Variants in STXBP5L observed in about 807,000 individuals in gnomAD.
The protein encoded by STXBP5L is syntaxin binding protein 5L, also known as syntaxin-binding protein 5-like.
In STXBP5L, 65 loss-of-function variants were observed where a neutral mutation model predicts 144.5. The observed-to-expected ratio is 0.45, with a 90% CI of 0.37 to 0.55. The LOEUF (loss-of-function observed/expected upper bound fraction) is 0.55. Among genes scored for constraint, STXBP5L ranks in the 20% least tolerant of loss-of-function variants. The pLI is 0.00. For missense variants in STXBP5L, 1,298 were observed against 1,405.5 expected, an observed-to-expected ratio of 0.92 and a Z score of 1.22; for synonymous variants, 505 against 469.6, an observed-to-expected ratio of 1.08 and a Z score of -0.97.
At chr3:121,152,598 T>C in intron 8 of STXBP5L, 38 bp downstream of exon 8, 1 of 1,447,092 alleles carries the variant, frequency 6.9e-7, no homozygotes, top group Non-Finnish European at 9.6e-7. Flanking sequence ...AAGAGTATTG[T>C]GACGTTATGC....
chr3:121,038,459 A>G (rs558957195), intron 3 of STXBP5L, among the ~76,000 whole-genome samples: 1 of 152,058 alleles, frequency 6.6e-6, no homozygotes, highest in South Asian at 2.1e-4. Flanking sequence ...GTCAGAAACT[A>G]TACTCTTTAT....
chr3:121,199,031 G>T (rs749592372), intron 9 of STXBP5L, among the ~76,000 whole-genome samples: 2 of 152,134 alleles, frequency 1.3e-5, no homozygotes, highest in African/African-American at 4.8e-5. Context: ...GAAAGTCAAA[G>T]GTAGCTTGTT....
chr3:121,356,976 A>T (rs2045538320), intron 20 of STXBP5L: 2 of 166,674 alleles, frequency 1.2e-5, no homozygotes, highest in Non-Finnish European at 2.6e-5. Context: ...TCTACCTTTG[A>T]AAACAGCAAG....
chr3:121,077,927 C>T (rs1322420112), intron 5 of STXBP5L, among the ~76,000 whole-genome samples: 1 of 149,138 alleles, frequency 6.7e-6, no homozygotes, highest in South Asian at 2.1e-4. Flanking sequence ...TATGTACAAT[C>T]CCTTAGCTAG....
chr3:120,945,910 A>G (rs1710831005), intron 2 of STXBP5L, among the ~76,000 whole-genome samples: 1 of 151,862 alleles, frequency 6.6e-6, no homozygotes, highest in Admixed American at 6.6e-5. Flanking sequence ...TGAACCCTTC[A>G]TGCTTTTCGC....
At chr3:120,992,155 A>T (rs535409141) in intron 3 of STXBP5L, among the ~76,000 whole-genome samples, 7 of 152,060 alleles carry the variant, frequency 4.6e-5, no homozygotes, top group African/African-American at 1.4e-4. Flanking sequence ...TTATTTATTT[A>T]TTTATTTTTA....
At chr3:121,021,042 A>G (rs947499695) in intron 3 of STXBP5L, among the ~76,000 whole-genome samples, 1 of 152,116 alleles carries the variant, frequency 6.6e-6, no homozygotes, top group East Asian at 1.9e-4. Context: ...CCACATAAGG[A>G]CTCACATAAA....
intron 3 of STXBP5L, among the ~76,000 whole-genome samples, chr3:120,971,875 C>A (rs57695248): frequency 0.019 from 2,923 of 151,774 alleles, 104 homozygotes; most frequent in African/African-American, 0.067. Context: ...CATGCATGCA[C>A]ACACACACAG....
intron 10 of STXBP5L, among the ~76,000 whole-genome samples, chr3:121,208,988 G>A (rs1024780944): frequency 2.0e-5 from 3 of 151,746 alleles, no homozygotes; most frequent in Non-Finnish European, 4.4e-5. Context: ...CTCATTGTTC[G>A]ATTCCCAATT....
At chr3:121,348,565 C>T (rs2045112901) in intron 20 of STXBP5L, among the ~76,000 whole-genome samples, 1 of 152,050 alleles carries the variant, frequency 6.6e-6, no homozygotes, top group Non-Finnish European at 1.5e-5. Context: ...TGGTAGAATT[C>T]AGCTGTGAAT....
intron 5 of STXBP5L, among the ~76,000 whole-genome samples, chr3:121,084,888 C>T (rs1053869753): frequency 1.3e-5 from 2 of 152,254 alleles, no homozygotes; most frequent in Admixed American, 1.3e-4. Context: ...TGTTTCTTGA[C>T]TTTTTAATGG....
intron 20 of STXBP5L, among the ~76,000 whole-genome samples, chr3:121,353,554 C>T (rs952406537): frequency 1.3e-5 from 2 of 152,034 alleles, no homozygotes; most frequent in African/African-American, 4.8e-5. Flanking sequence ...TTTGTTGCAT[C>T]TATTTGATTC....
At chr3:121,364,858 A>C (rs996968444) in intron 20 of STXBP5L, among the ~76,000 whole-genome samples, 1 of 151,824 alleles carries the variant, frequency 6.6e-6, no homozygotes, top group African/African-American at 2.4e-5. Flanking sequence ...TTGTTTTTAT[A>C]TATGGCTTTT....
chr3:121,039,150 C>T (rs1025344842), intron 3 of STXBP5L, among the ~76,000 whole-genome samples: 1 of 151,472 alleles, frequency 6.6e-6, no homozygotes, highest in East Asian at 1.9e-4. Context: ...TCTTTGTTTT[C>T]TATTTATCTT....
chr3:121,377,388 A>G (rs2046214309), intron 20 of STXBP5L, among the ~76,000 whole-genome samples: 1 of 152,234 alleles, frequency 6.6e-6, no homozygotes, highest in African/African-American at 2.4e-5. Context: ...CTATTGTCAG[A>G]GTGAACAGGC....
At chr3:121,304,362 A>G (rs1173007677) in intron 19 of STXBP5L, among the ~76,000 whole-genome samples, 3 of 152,144 alleles carry the variant, frequency 2.0e-5, no homozygotes, top group East Asian at 1.9e-4. Flanking sequence ...AACTAAAGCA[A>G]CTCTCTTGGC....
chr3:121,106,156 TCTTA>T (rs1489097270), intron 5 of STXBP5L, among the ~76,000 whole-genome samples: 1 of 152,198 alleles, frequency 6.6e-6, no homozygotes, highest in Non-Finnish European at 1.5e-5. Flanking sequence ...GTTTTATTTT[TCTTA>T]CTTGTCTGCT....
intron 23 of STXBP5L, among the ~76,000 whole-genome samples, chr3:121,410,137 A>G (rs1472038849): frequency 6.6e-6 from 1 of 151,850 alleles, no homozygotes; most frequent in Non-Finnish European, 1.5e-5. Context: ...GGTCATTTCA[A>G]TCTTGTTTGA....
intron 20 of STXBP5L, among the ~76,000 whole-genome samples, chr3:121,374,142 A>G (rs1269642536): frequency 1.3e-5 from 2 of 152,138 alleles, no homozygotes; most frequent in African/African-American, 4.8e-5. Flanking sequence ...TCCTTACCAC[A>G]GCCTCCAAAA....
Sources: allele counts gnomAD v4.1 joint callset (sites outside exome capture counted in the v4.1 genomes callset), GRCh38; gene constraint gnomAD v4.1.1; transcripts MANE v1.5; gene names NCBI Gene and HGNC (gene_info 2026-07-23, HGNC 2026-07-21).